Variants in PGR observed in about 807,000 individuals in gnomAD.
PGR encodes progesterone receptor.
PGR carries 25 observed loss-of-function variants against 76.1 expected under a neutral mutation model. The ratio of observed to expected loss-of-function variants is 0.33; its 90% CI spans 0.24 to 0.46. PGR has a LOEUF of 0.46. Among genes scored for constraint, PGR ranks in the 20% least tolerant of loss-of-function variants. The pLI is 1.00. For missense variants in PGR, 1,172 were observed against 1,225.3 expected (o/e 0.96, Z 0.65); for synonymous variants, 579 against 535.0 (o/e 1.08, Z -1.14).
chr11:101,034,022 C>CCA lies in PGR; in HGVS notation c.*5092_*5093dup, dbSNP rs1327474355. On this transcript the variant is annotated 3_prime_UTR_variant, in exon 8 of 8. Transcript: ENST00000325455. ...CCGAATATTGACCAGGACACTAATG[C>CCA]CACACTGCAGAGTTAATAATCTGTG... 3.0e-5 allele frequency: 7 copies of CCA among 230,588 alleles called. No homozygotes were observed. Among genetic ancestry groups the CCA allele is most frequent in the Non-Finnish European group, 5.1e-5 (6 of 116,514 alleles). 14.3% of individuals were successfully genotyped at this position (230,588 alleles called of 1,614,324 possible). A position where few individuals can be genotyped will look rare whatever the true frequency, so the allele number is the denominator to read the frequency against.
intron 6 of PGR, among the ~76,000 whole-genome samples, chr11:101,049,298 A>AC (rs1175537315): frequency 6.6e-6 from 1 of 152,090 alleles, no homozygotes; most frequent in Non-Finnish European, 1.5e-5. Context: ...CCTCTGACAG[A>AC]CCTGCCTGAG....
At position 101,107,226 on chromosome 11, in the gene PGR, T is replaced by C. The variant is rs572806405; in HGVS notation, c.1790-15350A>G. On this transcript the variant is annotated intron_variant, in intron 2 of 7. Transcript: ENST00000325455. ...TAAAGTATAAGTAAAAAAAGGAAATTAAGTTCTTCATGTCATCATTCTAAA... is the reference window on the plus strand; with the variant it reads ...TAAAGTATAAGTAAAAAAAGGAAATCAAGTTCTTCATGTCATCATTCTAAA... Among the ~76,000 whole-genome samples, 16 of 152,172 alleles carry C rather than the reference T, an allele frequency of 1.1e-4. 2 individuals carry two copies. In the South Asian group the frequency reaches 3.3e-3, roughly 32 times the overall value.
chr11:101,047,964 G>A lies in PGR; in HGVS notation c.2488+1965C>T, dbSNP rs191502030. Among the ~76,000 whole-genome samples, 81 of 152,286 alleles carry A rather than the reference G, an allele frequency of 5.3e-4. 1 individual carries two copies. Among genetic ancestry groups the A allele is most frequent in the African/African-American group, 1.9e-3 (80 of 41,562 alleles). On this transcript the variant is annotated intron_variant, in intron 6 of 7. Coordinates refer to ENST00000325455, the MANE Select transcript of PGR (RefSeq NM_000926.4). ...TTTCTTCTGGGCCTATAGCTAGACT[G>A]TATTTCCCAGCTTTTCCTGCAGCTT...
chr11:101,066,639 T>C (rs1460862231), intron 3 of PGR, among the ~76,000 whole-genome samples: 3 of 152,206 alleles, frequency 2.0e-5, no homozygotes, highest in Non-Finnish European at 4.4e-5. Context: ...CTCAAATTAA[T>C]ATGTTTAGAG....
At chr11:101,112,494 G>C (rs1862373708) in intron 2 of PGR, among the ~76,000 whole-genome samples, 4 of 152,078 alleles carry the variant, frequency 2.6e-5, no homozygotes, top group Admixed American at 2.6e-4. Context: ...ATAGTTCAGA[G>C]GCCACTTCTG....
intron 4 of PGR, among the ~76,000 whole-genome samples, chr11:101,054,816 A>G (rs1161579047): frequency 1.3e-5 from 2 of 152,216 alleles, no homozygotes; most frequent in Non-Finnish European, 2.9e-5. Flanking sequence ...TGCACACTGT[A>G]GAACACTATG....
chr11:101,043,535 A>G (rs1859765423), intron 6 of PGR, among the ~76,000 whole-genome samples: 1 of 152,176 alleles, frequency 6.6e-6, no homozygotes, highest in Non-Finnish European at 1.5e-5. Flanking sequence ...TCTTAATGGC[A>G]TCTAGAAAGG....
Position 101,034,561 on chromosome 11 carries a change from A to C in PGR, c.*4555T>G, listed in dbSNP as rs571120830. ...GACAGGGTGGACAAATTATTGAAGA[A>C]AACTGTTCTTTCCTGCTTCTTTTCA... On this transcript the variant is annotated 3_prime_UTR_variant, in exon 8 of 8. Transcript: ENST00000325455. 30 of 176,508 alleles carry C rather than the reference A, an allele frequency of 1.7e-4. No homozygotes were observed. Among genetic ancestry groups the C allele is most frequent in the Non-Finnish European group, 3.5e-4 (29 of 82,066 alleles). 10.9% of individuals were successfully genotyped at this position (176,508 alleles called of 1,614,324 possible).
Position 101,127,420 on chromosome 11 carries a change from T to TC in PGR, c.1637+13dup, listed in dbSNP as rs750203792. Reference sequence around the variant, plus strand: ...TCCCGGACGCGCTGGGCGTGCCCCGTCCCGGGCCCTCACCTCAGGTAGTTG... The same window carrying TC: ...TCCCGGACGCGCTGGGCGTGCCCCGTCCCCGGGCCCTCACCTCAGGTAGTTG... On this transcript the variant is annotated intron_variant, in intron 1 of 7. Coordinates refer to ENST00000325455, the MANE Select transcript of PGR (RefSeq NM_000926.4). The TC allele has an allele frequency of 6.5e-7, 1 of 1,529,620 alleles. No individual in the cohort carries two copies. The highest frequency in any genetic ancestry group is 8.8e-7 in the Non-Finnish European group (1 of 1,138,214). The allele number at this position is 1,529,620 out of a possible 1,614,324, so 94.8% of individuals were successfully genotyped here.
chr11:101,104,840 C>A (rs1482682768), intron 2 of PGR, among the ~76,000 whole-genome samples: 1 of 151,902 alleles, frequency 6.6e-6, no homozygotes, highest in Non-Finnish European at 1.5e-5. Flanking sequence ...AAGATAGAAT[C>A]TGGCTATTAC....
intron 4 of PGR, among the ~76,000 whole-genome samples, chr11:101,057,530 T>C (rs1860337208): frequency 6.6e-6 from 1 of 152,112 alleles, no homozygotes; most frequent in Non-Finnish European, 1.5e-5. Flanking sequence ...AAAATGATTC[T>C]GGGGGTAGAA....
rs11571250 is a variant in PGR at position 101,042,627 on chromosome 11, C to A, written c.2489-525G>T. ...GCTTCATTAAGTTTTCTAATGCCTT[C>A]CTGCTGATATGGGAGAAAGGTATTA... On this transcript the variant is annotated intron_variant, in intron 6 of 7. Coordinates refer to ENST00000325455, the MANE Select transcript of PGR (RefSeq NM_000926.4). Among the ~76,000 whole-genome samples the A allele has an allele frequency of 2.4e-3, 363 of 152,174 alleles. 7 individuals carry two copies. The East Asian group carries it at 0.024, about 10-fold the overall frequency.
intron 4 of PGR, among the ~76,000 whole-genome samples, chr11:101,053,908 G>A (rs1339115468): frequency 1.3e-5 from 2 of 152,060 alleles, no homozygotes; most frequent in Admixed American, 6.6e-5. Flanking sequence ...CTTTCCCACG[G>A]AGAAAGCTGG....
intron 4 of PGR, among the ~76,000 whole-genome samples, chr11:101,053,757 C>G (rs1209198565): frequency 6.6e-6 from 1 of 150,774 alleles, no homozygotes; most frequent in African/African-American, 2.4e-5. Flanking sequence ...CTTTTTCCTC[C>G]TCCTCCCTCA....
At chr11:101,127,144 G>A in intron 1 of PGR, 1 of 233,394 alleles carries the variant, frequency 4.3e-6, no homozygotes, top group Non-Finnish European at 8.3e-6. Context: ...GTTCTGCTTC[G>A]GAATCTGGAA....
At chr11:101,054,209 T>C (rs1860208133) in intron 4 of PGR, among the ~76,000 whole-genome samples, 1 of 152,272 alleles carries the variant, frequency 6.6e-6, no homozygotes, top group African/African-American at 2.4e-5. Context: ...TCTTTTGTTT[T>C]TAAAAGTCAG....
chr11:101,085,524 C>CAAAAAAAA (rs1861463966), intron 3 of PGR, among the ~76,000 whole-genome samples: 1 of 14,308 alleles, frequency 7.0e-5, no homozygotes, highest in Non-Finnish European at 1.5e-4. Context: ...CCTAGAGGAA[C>CAAAAAAAA]TAAAAAAAAA....
chr11:101,064,359 A>C (rs200286049), intron 3 of PGR, among the ~76,000 whole-genome samples: 37,925 of 114,564 alleles, frequency 0.33, 6,034 homozygotes, highest in East Asian at 0.72. Flanking sequence ...AAAAAAAAAA[A>C]AAAAAAAAAA....
chr11:101,096,297 T>G (rs1861828873), intron 2 of PGR, among the ~76,000 whole-genome samples: 1 of 152,182 alleles, frequency 6.6e-6, no homozygotes, highest in Non-Finnish European at 1.5e-5. Context: ...GAAGCTCAAT[T>G]CACTCTAACT....
Sources: allele counts gnomAD v4.1 joint callset (sites outside exome capture counted in the v4.1 genomes callset), GRCh38; gene constraint gnomAD v4.1.1; transcripts MANE v1.5; gene names NCBI Gene and HGNC (gene_info 2026-07-23, HGNC 2026-07-21).